ROBO1: variants seen among roughly 807,000 people sequenced by gnomAD.
ROBO1 encodes roundabout homolog 1.
Under a neutral mutation model 195.9 loss-of-function variants are expected in ROBO1, and 149 were observed. The observed-to-expected ratio is 0.76, with a 90% CI of 0.67 to 0.87. The LOEUF is 0.87. Among genes scored for constraint, ROBO1 ranks in the 40% least tolerant of loss-of-function variants. The pLI is 0.00. For missense variants in ROBO1, 1,933 were observed against 2,068.3 expected (o/e 0.93, Z 1.27); for synonymous variants, 816 against 733.2 (o/e 1.11, Z -1.82).
intron 2 of ROBO1, among the ~76,000 whole-genome samples, chr3:79,219,675 T>C (rs942271510): frequency 6.6e-6 from 1 of 152,034 alleles, no homozygotes; most frequent in African/African-American, 2.4e-5. Flanking sequence ...TTTCTAGTAA[T>C]TGCATGATGA....
At chr3:79,129,060 G>T (rs1201642203) in intron 2 of ROBO1, among the ~76,000 whole-genome samples, 1 of 152,084 alleles carries the variant, frequency 6.6e-6, no homozygotes, top group East Asian at 1.9e-4. Context: ...TCAATTGGAT[G>T]CTCTACCAAC....
At chr3:79,721,981 G>C (rs890679264) in intron 1 of ROBO1, among the ~76,000 whole-genome samples, 4 of 152,100 alleles carry the variant, frequency 2.6e-5, no homozygotes, top group African/African-American at 9.7e-5. Context: ...TCTTTCTGTA[G>C]CTTTTTAATT....
intron 2 of ROBO1, among the ~76,000 whole-genome samples, chr3:79,427,698 GT>G (rs2038503989): frequency 6.6e-6 from 1 of 152,172 alleles, no homozygotes; most frequent in Non-Finnish European, 1.5e-5. Context: ...GGACAGGACA[GT>G]CTCTTCAATA....
chr3:79,254,070 A>T (rs2082782104), intron 2 of ROBO1, among the ~76,000 whole-genome samples: 1 of 152,116 alleles, frequency 6.6e-6, no homozygotes, highest in African/African-American at 2.4e-5. Context: ...TGCTTTCCTT[A>T]ACTCTAATAT....
intron 3 of ROBO1, among the ~76,000 whole-genome samples, chr3:78,995,672 C>T (rs992195332): frequency 1.5e-3 from 17 of 11,408 alleles, no homozygotes; most frequent in Admixed American, 5.9e-3. Flanking sequence ...AGGCAGAGAC[C>T]GGAGGATCAC....
At chr3:79,389,661 G>A (rs4343590) in intron 2 of ROBO1, among the ~76,000 whole-genome samples, 55,448 of 151,942 alleles carry the variant, frequency 0.36, 10,784 homozygotes, top group Admixed American at 0.49. Flanking sequence ...GAATATCTAA[G>A]TGGAACCATC....
chr3:79,748,135 A>C (rs1253145972), intron 1 of ROBO1, among the ~76,000 whole-genome samples: 1 of 152,300 alleles, frequency 6.6e-6, no homozygotes, highest in African/African-American at 2.4e-5. Flanking sequence ...TAATTTTTAC[A>C]TAAATTATTT....
At chr3:78,837,301 GATTTAAA>G (rs1044740305) in intron 4 of ROBO1, among the ~76,000 whole-genome samples, 38 of 152,168 alleles carry the variant, frequency 2.5e-4, no homozygotes, top group East Asian at 9.7e-4. Flanking sequence ...ACAAATGCAT[GATTTAAA>G]ATTTCTCAAC....
At chr3:78,993,546 T>C (rs1395803418) in intron 3 of ROBO1, among the ~76,000 whole-genome samples, 1 of 152,160 alleles carries the variant, frequency 6.6e-6, no homozygotes, top group Non-Finnish European at 1.5e-5. Context: ...TATTAGAGCA[T>C]GACACTGTTG....
chr3:78,953,638 C>T (rs1476350830), intron 3 of ROBO1, among the ~76,000 whole-genome samples: 1 of 151,850 alleles, frequency 6.6e-6, no homozygotes, highest in Admixed American at 6.6e-5. Flanking sequence ...GAAGAAACAG[C>T]GTGAGGGTAG....
intron 1 of ROBO1, among the ~76,000 whole-genome samples, chr3:79,649,782 T>C (rs1945945695): frequency 2.6e-5 from 4 of 152,012 alleles, no homozygotes; most frequent in Non-Finnish European, 5.9e-5. Flanking sequence ...ACATGGGCAC[T>C]ATCCAAACTT....
At chr3:79,397,443 T>C (rs755474573) in intron 2 of ROBO1, among the ~76,000 whole-genome samples, 9 of 152,166 alleles carry the variant, frequency 5.9e-5, no homozygotes, top group Non-Finnish European at 1.3e-4. Context: ...GATGCTCTAG[T>C]TCTGGCAAAG....
At chr3:79,561,497 G>A (rs537351857) in intron 2 of ROBO1, among the ~76,000 whole-genome samples, 1 of 152,178 alleles carries the variant, frequency 6.6e-6, no homozygotes, top group South Asian at 2.1e-4. Context: ...TGGAATTGAG[G>A]GACAAGAGTA....
intron 1 of ROBO1, among the ~76,000 whole-genome samples, chr3:79,750,412 G>A (rs1160031529): frequency 6.6e-6 from 1 of 152,176 alleles, no homozygotes; most frequent in Non-Finnish European, 1.5e-5. Flanking sequence ...GGGACTGTTA[G>A]GAAGGCATGA....
chr3:79,557,433 T>C (rs1942742113), intron 2 of ROBO1, among the ~76,000 whole-genome samples: 1 of 152,042 alleles, frequency 6.6e-6, no homozygotes, highest in African/African-American at 2.4e-5. Context: ...TTAAGATACA[T>C]AATTAAAAAG....
intron 3 of ROBO1, among the ~76,000 whole-genome samples, chr3:79,115,033 A>T (rs116076013): frequency 6.6e-6 from 1 of 152,294 alleles, no homozygotes; most frequent in African/African-American, 2.4e-5. Flanking sequence ...ATCAATAATT[A>T]ATCTTCCTTT....
At chr3:79,753,727 C>A (rs1230445476) in intron 1 of ROBO1, among the ~76,000 whole-genome samples, 1 of 152,084 alleles carries the variant, frequency 6.6e-6, no homozygotes, top group East Asian at 1.9e-4. Context: ...CTGGGGAATA[C>A]ACAGCTTTTG....
At chr3:78,899,853 T>C (rs529555952) in intron 4 of ROBO1, among the ~76,000 whole-genome samples, 123 of 152,292 alleles carry the variant, frequency 8.1e-4, no homozygotes, top group African/African-American at 2.6e-3. Context: ...ATTTCATTGA[T>C]GTGATAGGTT....
chr3:79,141,833 C>G (rs748057749), intron 2 of ROBO1, among the ~76,000 whole-genome samples: 4 of 152,052 alleles, frequency 2.6e-5, no homozygotes, highest in Non-Finnish European at 5.9e-5. Context: ...TCCCATTTCT[C>G]GCTAATTCAG....
Sources: gnomAD v4.1 joint callset for allele counts (sites outside exome capture counted in the v4.1 genomes callset) on GRCh38, gnomAD v4.1.1 for gene constraint, MANE v1.5 for transcripts, NCBI Gene and HGNC (gene_info 2026-07-23, HGNC 2026-07-21) for gene names.